Variants in PALS2 observed in about 807,000 individuals in gnomAD.
PALS2 encodes protein PALS2.
In PALS2, 27 loss-of-function variants were observed where a neutral mutation model predicts 61.6. The observed-to-expected ratio is 0.44, with a 90% CI of 0.32 to 0.60. The LOEUF is 0.60. PALS2 is among the 20% of genes least tolerant of loss of function. PALS2 has a pLI of 0.05. For synonymous variants in PALS2, 236 were observed against 218.6 expected (o/e 1.08, Z -0.70); for missense variants, 554 against 639.4 (o/e 0.87, Z 1.44).
Position 24,656,234 on chromosome 7 carries a change from C to A in PALS2, c.651+5522C>A, listed in dbSNP as rs559654975. 2.5e-3 allele frequency among the ~76,000 whole-genome samples: 385 copies of A among 152,294 alleles called. 1 individual carries two copies. Among genetic ancestry groups the A allele is most frequent in the Middle Eastern group, 0.01 (3 of 294 alleles). On this transcript the variant is annotated intron_variant, in intron 5 of 11. Coordinates refer to ENST00000222644, the MANE Select transcript of PALS2 (RefSeq NM_001303037.2). ...ACATTCCCAAATGAATTACTAGCCA[C>A]CTTCTGATTTAACATCAGGGTCAAG...
rs1788300296 is a variant in PALS2, at chr7:24,688,158, G to A, written c.*544G>A. The A allele has an allele frequency of 1.3e-5, 2 of 152,168 alleles. No homozygotes were observed. The highest frequency in any genetic ancestry group is 6.5e-5 in the Admixed American group (1 of 15,276). 9.4% of individuals were successfully genotyped at this position (152,168 alleles called of 1,614,324 possible). Reference sequence around the variant, plus strand: ...CTACCATCTAAATCTGACATCAAAAGTCTGATCAGTTTACGTATTTTCATT... The same window carrying A: ...CTACCATCTAAATCTGACATCAAAAATCTGATCAGTTTACGTATTTTCATT... On this transcript the variant is annotated 3_prime_UTR_variant, in exon 12 of 12. Transcript: ENST00000222644.
chr7:24,603,842 C>G (rs975089254), intron 1 of PALS2, among the ~76,000 whole-genome samples: 2 of 151,872 alleles, frequency 1.3e-5, no homozygotes, highest in Non-Finnish European at 1.5e-5. Flanking sequence ...TTTAAAAACT[C>G]AAACTCTGAA....
chr7:24,595,561 A>G, intron 1 of PALS2, among the ~76,000 whole-genome samples: 1 of 113,608 alleles, frequency 8.8e-6, no homozygotes, highest in South Asian at 3.0e-4. Flanking sequence ...TATATTAACT[A>G]TATATAAATA....
chr7:24,613,459 T>A lies in PALS2; in HGVS notation c.-2-10207T>A, dbSNP rs1001423311. On this transcript the variant is annotated intron_variant, in intron 1 of 11. Coordinates refer to ENST00000222644, the MANE Select transcript of PALS2 (RefSeq NM_001303037.2). Reference sequence around the variant, plus strand: ...ATGTTATTTGTGTCTTGCCTTTTTTTAATTAATTGACACATTAATAATTGT... The same window carrying A: ...ATGTTATTTGTGTCTTGCCTTTTTTAAATTAATTGACACATTAATAATTGT... 9.2e-5 allele frequency among the ~76,000 whole-genome samples: 14 copies of A among 152,016 alleles called. No homozygotes were observed. In the East Asian group the frequency reaches 1.9e-3, roughly 21 times the overall value.
chr7:24,669,806 T>A (rs1372660266), intron 9 of PALS2, among the ~76,000 whole-genome samples: 1 of 152,230 alleles, frequency 6.6e-6, no homozygotes, highest in African/African-American at 2.4e-5. Context: ...ACTGCAGGCA[T>A]TGTAAATCAC....
chr7:24,624,118 T>C, intron 2 of PALS2: 1 of 1,310,550 alleles, frequency 7.6e-7, no homozygotes, highest in South Asian at 1.2e-5. Context: ...AAAGTACTGA[T>C]TTTCTTCTTT....
Position 24,690,732 on chromosome 7 carries a change from A to G in PALS2, c.*3118A>G, listed in dbSNP as rs939032031. The G allele has an allele frequency of 6.6e-6, 1 of 152,180 alleles. No individual in the cohort carries two copies. Among genetic ancestry groups the G allele is most frequent in the Non-Finnish European group, 1.5e-5 (1 of 68,030 alleles). 9.4% of individuals were successfully genotyped at this position (152,180 alleles called of 1,614,324 possible). On this transcript the variant is annotated 3_prime_UTR_variant, in exon 12 of 12. Transcript: ENST00000222644. ...TTTCTGTGTGATATTTGGTAATATC[A>G]CATGTCAAATACATCAGGACTTTGT...
At chr7:24,670,843 A>G (rs75713267) in intron 9 of PALS2, among the ~76,000 whole-genome samples, 10,525 of 152,250 alleles carry the variant, frequency 0.069, 447 homozygotes, top group African/African-American at 0.11. Flanking sequence ...TCTCATCTGC[A>G]TTGTAGCATT....
rs769360618 is a variant in PALS2, at chr7:24,663,581, G to C, written c.652-9G>C. 1.1e-5 allele frequency: 17 copies of C among 1,576,648 alleles called. No individual in the cohort carries two copies. Among genetic ancestry groups the C allele is most frequent in the Non-Finnish European group, 1.5e-5 (17 of 1,155,780 alleles). On this transcript the variant is annotated splice_polypyrimidine_tract_variant and intron_variant, in intron 5 of 11. Coordinates refer to ENST00000222644, the MANE Select transcript of PALS2 (RefSeq NM_001303037.2). Reference sequence around the variant, plus strand: ...ACTATAGTATTTTTAATTGTGCTATGTGTTTTAGGTATTTGTGAAGTGTCA... The same window carrying C: ...ACTATAGTATTTTTAATTGTGCTATCTGTTTTAGGTATTTGTGAAGTGTCA...
chr7:24,620,098 T>A (rs976426381), intron 1 of PALS2: 3 of 152,192 alleles, frequency 2.0e-5, no homozygotes, highest in African/African-American at 7.2e-5. Context: ...AGTACATTAT[T>A]TGAAGTTTGG....
intron 1 of PALS2, among the ~76,000 whole-genome samples, chr7:24,608,287 G>T (rs1320708097): frequency 6.6e-6 from 1 of 151,840 alleles, no homozygotes; most frequent in Non-Finnish European, 1.5e-5. Context: ...ACATTCTGAG[G>T]TTTCACTTAG....
At chr7:24,660,164 GT>G (rs1562648305) in intron 5 of PALS2, among the ~76,000 whole-genome samples, 1 of 152,044 alleles carries the variant, frequency 6.6e-6, no homozygotes, top group Non-Finnish European at 1.5e-5. Context: ...GAGGGTCCTT[GT>G]TACTTCATCT....
chr7:24,648,601 T>G (rs1785967901), intron 3 of PALS2, among the ~76,000 whole-genome samples: 1 of 152,066 alleles, frequency 6.6e-6, no homozygotes, highest in East Asian at 1.9e-4. Flanking sequence ...CCCTAAAAAT[T>G]ATTCTTTTAG....
chr7:24,672,450 C>T (rs891286689), intron 9 of PALS2, among the ~76,000 whole-genome samples: 1 of 151,800 alleles, frequency 6.6e-6, no homozygotes, highest in Non-Finnish European at 1.5e-5. Flanking sequence ...AGGCTGGTTT[C>T]GAACTCCTGA....
At chr7:24,685,682 G>T (rs1788163673) in intron 11 of PALS2, among the ~76,000 whole-genome samples, 1 of 133,038 alleles carries the variant, frequency 7.5e-6, no homozygotes, top group Admixed American at 8.2e-5. Flanking sequence ...AAATCAGATT[G>T]CTAATAGGCA....
intron 3 of PALS2, among the ~76,000 whole-genome samples, chr7:24,643,282 A>T (rs1785657545): frequency 6.6e-6 from 1 of 152,148 alleles, no homozygotes. Flanking sequence ...TAATTTAATA[A>T]ATATATAAGC....
At chr7:24,647,500 C>T (rs572204877) in intron 3 of PALS2, among the ~76,000 whole-genome samples, 2 of 152,226 alleles carry the variant, frequency 1.3e-5, no homozygotes, top group Non-Finnish European at 2.9e-5. Context: ...TTCTTCAGCT[C>T]AGCTCTAATT....
intron 1 of PALS2, among the ~76,000 whole-genome samples, chr7:24,622,876 A>G (rs574200173): frequency 3.3e-5 from 5 of 151,778 alleles, no homozygotes; most frequent in African/African-American, 9.6e-5. Flanking sequence ...TAGTTTGGTG[A>G]ATGTTTTTAT....
chr7:24,580,189 A>G (rs1326133649), intron 1 of PALS2, among the ~76,000 whole-genome samples: 1 of 152,188 alleles, frequency 6.6e-6, no homozygotes, highest in African/African-American at 2.4e-5. Context: ...TAAATACTTT[A>G]TATTTTGTTC....
Sources: allele counts gnomAD v4.1 joint callset (sites outside exome capture counted in the v4.1 genomes callset), GRCh38; gene constraint gnomAD v4.1.1; transcripts MANE v1.5; gene names NCBI Gene and HGNC (gene_info 2026-07-23, HGNC 2026-07-21).